EHMT1: variants seen among roughly 807,000 people sequenced by gnomAD.
EHMT1 encodes the protein histone-lysine N-methyltransferase EHMT1.
A neutral mutation model predicts 147.2 loss-of-function variants in EHMT1; 15 were observed. That is an observed-to-expected ratio of 0.10 (90% CI 0.07 to 0.16). The LOEUF (loss-of-function observed/expected upper bound fraction) is 0.16. Among genes scored for constraint, EHMT1 ranks in the 10% least tolerant of loss-of-function variants. The pLI, the probability that EHMT1 is intolerant of heterozygous loss-of-function variation, is 1.00. For synonymous variants in EHMT1, 795 were observed against 709.6 expected, an observed-to-expected ratio of 1.12 and a Z score of -1.91; for missense variants, 1,587 against 1,772.4, an observed-to-expected ratio of 0.90 and a Z score of 1.88.
At chr9:137,763,003 A>G (rs1401483615) in intron 10 of EHMT1, 183 bp downstream of exon 10, 5 of 763,354 alleles carry the variant, frequency 6.6e-6, no homozygotes, top group Non-Finnish European at 1.1e-5. Flanking sequence ...ATGATGAAAC[A>G]CAGGTCTAGA....
chr9:137,639,039 A>G (rs1449481812), intron 1 of EHMT1, among the ~76,000 whole-genome samples: 1 of 152,014 alleles, frequency 6.6e-6, no homozygotes, highest in Non-Finnish European at 1.5e-5. Context: ...ATAAATGTTG[A>G]TATGTTGTAT....
chr9:137,721,215 C>G, intron 3 of EHMT1, among the ~76,000 whole-genome samples: 1 of 142,880 alleles, frequency 7.0e-6, no homozygotes, highest in African/African-American at 2.7e-5. Flanking sequence ...TCCCAGACTT[C>G]TCACACTCAC....
intron 1 of EHMT1, among the ~76,000 whole-genome samples, chr9:137,642,187 A>G (rs931220449): frequency 6.6e-6 from 1 of 152,178 alleles, no homozygotes; most frequent in African/African-American, 2.4e-5. Context: ...CATGTGGGAC[A>G]GGTAATGCGT....
At position 137,677,780 on chromosome 9, in the gene EHMT1, C is replaced by T. The variant is rs557587649; in HGVS notation, c.22-33187C>T. On this transcript the variant is annotated intron_variant, in intron 1 of 26. Transcript: ENST00000460843. ...ATCTTAAAAAAATAGTATTGTCAGC[C>T]GAGCACGGTGGCTCACGCCTGTAAT... 6.6e-5 allele frequency among the ~76,000 whole-genome samples: 10 copies of T among 152,090 alleles called. No homozygotes were observed. In the East Asian group the frequency reaches 1.7e-3, roughly 26 times the overall value.
At chr9:137,658,092 C>A (rs140003771) in intron 1 of EHMT1, among the ~76,000 whole-genome samples, 2 of 152,132 alleles carry the variant, frequency 1.3e-5, no homozygotes, top group African/African-American at 2.4e-5. Flanking sequence ...GCCTGTGTGC[C>A]ACGTTTTACC....
intron 23 of EHMT1, chr9:137,816,342 A>G (rs1954917549): frequency 6.1e-6 from 3 of 494,074 alleles, no homozygotes; most frequent in African/African-American, 5.8e-5. Context: ...TTGGCCTAAG[A>G]ATTACCTTTG....
intron 1 of EHMT1, among the ~76,000 whole-genome samples, chr9:137,699,607 G>A (rs537746949): frequency 5.9e-5 from 9 of 152,178 alleles, no homozygotes; most frequent in South Asian, 4.2e-4. Flanking sequence ...CCCAGGAGGC[G>A]GAGGTTATAG....
chr9:137,834,286 C>A, intron 25 of EHMT1, 63 bp from the exon 26 acceptor site: 3 of 1,600,004 alleles, frequency 1.9e-6, no homozygotes, highest in Non-Finnish European at 1.7e-6. Context: ...ATGGCCGTAC[C>A]CGGCGAGGCC....
At chr9:137,664,070 G>A (rs1226628028) in intron 1 of EHMT1, among the ~76,000 whole-genome samples, 1 of 152,034 alleles carries the variant, frequency 6.6e-6, no homozygotes, top group Non-Finnish European at 1.5e-5. Context: ...CAAGAGGTAT[G>A]TACTTTTTTT....
intron 1 of EHMT1, among the ~76,000 whole-genome samples, chr9:137,634,868 A>ATTT (rs781056803): frequency 2.3e-4 from 21 of 92,072 alleles, no homozygotes; most frequent in African/African-American, 4.0e-4. Flanking sequence ...TGCCCAGCTA[A>ATTT]TTTTTTTTTT....
intron 10 of EHMT1, among the ~76,000 whole-genome samples, chr9:137,773,034 C>A (rs963002982): frequency 2.0e-5 from 3 of 152,088 alleles, no homozygotes; most frequent in African/African-American, 7.2e-5. Flanking sequence ...ACAGCATTAT[C>A]GTTTTTATGA....
Position 137,834,749 on chromosome 9 carries a change from G to T in EHMT1, c.3717-24G>T, listed in dbSNP as rs147952860. The T allele has an allele frequency of 7.3e-4, 1,173 of 1,613,452 alleles. 7 individuals are homozygous for T. In the African/African-American group the frequency reaches 0.014, roughly 20 times the overall value. Reference sequence around the variant, plus strand: ...AGGTGCCGGTGGGATTCGACTTGGAGCCTTGGTTCTGTTCCCTCCCCAGGT... The same window carrying T: ...AGGTGCCGGTGGGATTCGACTTGGATCCTTGGTTCTGTTCCCTCCCCAGGT... On this transcript the variant is annotated intron_variant, in intron 26 of 26. Transcript: ENST00000460843.
At chr9:137,635,772 ATGGT>A (rs2133719436) in intron 1 of EHMT1, among the ~76,000 whole-genome samples, 1 of 151,308 alleles carries the variant, frequency 6.6e-6, no homozygotes, top group East Asian at 2.1e-4. Context: ...GTGAGCTGAG[ATGGT>A]GCCACTGCTC....
Position 137,787,737 on chromosome 9 carries a change from C to T in EHMT1, c.2383-3111C>T, listed in dbSNP as rs1248669358. 6 of 761,144 alleles carry T rather than the reference C, an allele frequency of 7.9e-6. No individual in the cohort carries two copies. Among genetic ancestry groups the T allele is most frequent in the African/African-American group, 3.4e-5 (2 of 58,494 alleles). 47.1% of individuals were successfully genotyped at this position (761,144 alleles called of 1,614,324 possible). On this transcript the variant is annotated intron_variant, in intron 15 of 26. Transcript: ENST00000460843. The surrounding 1 kb of genome is among the most constrained non-coding windows in gnomAD (Gnocchi z 4.2). ...GGTCCCCAGGGTGCCACCGAAACAT[C>T]GTAGATGCTTTTGTTGGGTGACACA...
At position 137,795,492 on chromosome 9, in the gene EHMT1, G is replaced by T. The variant is rs117705928; in HGVS notation, c.2506-3321G>T. Among the ~76,000 whole-genome samples, 10 of 150,960 alleles carry T rather than the reference G, an allele frequency of 6.6e-5. No homozygotes were observed. In the East Asian group the frequency reaches 2.0e-3, roughly 30 times the overall value. The stretch of plus-strand genomic sequence containing the variant: ...ACACATTCACTCAGACCAGGACAAC[G>T]TAGACACACCCATTCACCTAACATG... On this transcript the variant is annotated intron_variant, in intron 16 of 26. Transcript: ENST00000460843.
chr9:137,643,656 G>GT (rs1844674359), intron 1 of EHMT1, among the ~76,000 whole-genome samples: 1 of 152,004 alleles, frequency 6.6e-6, no homozygotes, highest in Non-Finnish European at 1.5e-5. Context: ...CCGTATAAAG[G>GT]TTTTTTAGTA....
At chr9:137,759,269 A>G (rs1295547212) in intron 9 of EHMT1, among the ~76,000 whole-genome samples, 1 of 152,256 alleles carries the variant, frequency 6.6e-6, no homozygotes, top group Non-Finnish European at 1.5e-5. Context: ...AGTCCTTCGC[A>G]TGGTCACCCC....
intron 1 of EHMT1, among the ~76,000 whole-genome samples, chr9:137,678,132 T>G (rs548665323): frequency 3.9e-5 from 6 of 152,264 alleles, no homozygotes; most frequent in South Asian, 2.1e-4. Context: ...AAAAATAGAT[T>G]AAAAACTAGT....
Position 137,828,085 on chromosome 9 carries a change from G to A in EHMT1, c.3541-6264G>A, listed in dbSNP as rs948323393. ...TGGGAGGGACGTGGACGAACGGCAC[G>A]CAGTGGGAGGCCATGGGCAAGGTTG... On this transcript the variant is annotated intron_variant, in intron 25 of 26. Coordinates refer to ENST00000460843, the MANE Select transcript of EHMT1 (RefSeq NM_024757.5). This position sits in a 1 kb window ranked among gnomAD's most constrained non-coding sequence, Gnocchi z 5.3. Among the ~76,000 whole-genome samples, 6 of 152,174 alleles carry A rather than the reference G, an allele frequency of 3.9e-5. No individual in the cohort carries two copies. Among genetic ancestry groups the A allele is most frequent in the South Asian group, 2.1e-4 (1 of 4,832 alleles).
Sources: gnomAD v4.1 joint callset for allele counts (sites outside exome capture counted in the v4.1 genomes callset) on GRCh38, gnomAD v4.1.1 for gene constraint, Gnocchi (gnomAD v3.1) non-coding constraint, MANE v1.5 for transcripts, NCBI Gene and HGNC (gene_info 2026-07-23, HGNC 2026-07-21) for gene names.